Variants in MACROD2 observed in about 807,000 individuals in gnomAD.
The protein encoded by MACROD2 is mono-ADP ribosylhydrolase 2, also known as ADP-ribose glycohydrolase MACROD2.
Under a neutral mutation model 70.4 loss-of-function variants are expected in MACROD2, and 36 were observed. The ratio of observed to expected loss-of-function variants is 0.51; its 90% CI spans 0.39 to 0.68. MACROD2 has a LOEUF of 0.68. MACROD2 is among the 30% of genes least tolerant of loss of function. The pLI is 0.00. For missense variants in MACROD2, 496 were observed against 538.4 expected (o/e 0.92, Z 0.78); for synonymous variants, 172 against 178.8 (o/e 0.96, Z 0.30).
chr20:15,660,458 T>C (rs376508718), intron 8 of MACROD2, among the ~76,000 whole-genome samples: 24 of 152,324 alleles, frequency 1.6e-4, no homozygotes, highest in African/African-American at 5.8e-4. Flanking sequence ...TTTTCAGATT[T>C]ATTTAGAAAA....
chr20:14,528,310 A>T (rs1227930705), intron 4 of MACROD2, among the ~76,000 whole-genome samples: 1 of 141,644 alleles, frequency 7.1e-6, no homozygotes, highest in Non-Finnish European at 1.5e-5. Flanking sequence ...TTTAGTAGAG[A>T]CAGGGTTTCT....
intron 3 of MACROD2, among the ~76,000 whole-genome samples, chr20:14,387,794 T>G (rs895559372): frequency 6.6e-6 from 1 of 152,126 alleles, no homozygotes; most frequent in African/African-American, 2.4e-5. Flanking sequence ...CCCTTTACAC[T>G]CTCCTCATGT....
intron 5 of MACROD2, among the ~76,000 whole-genome samples, chr20:15,205,561 A>C (rs571227850): frequency 2.9e-4 from 44 of 151,996 alleles, no homozygotes; most frequent in African/African-American, 1.0e-3. Flanking sequence ...CTAAATACTA[A>C]GTTTCTGTTA....
chr20:14,832,527 G>A (rs2072982987), intron 5 of MACROD2, among the ~76,000 whole-genome samples: 1 of 151,990 alleles, frequency 6.6e-6, no homozygotes, highest in South Asian at 2.1e-4. Flanking sequence ...TTCAGAAAGA[G>A]CCACATTTGT....
At chr20:14,011,068 C>T (rs1031634053) in intron 2 of MACROD2, among the ~76,000 whole-genome samples, 1 of 152,102 alleles carries the variant, frequency 6.6e-6, no homozygotes, top group African/African-American at 2.4e-5. Flanking sequence ...CTTAAAGGTC[C>T]TTATGACCCC....
chr20:14,074,918 C>T (rs2053898084), intron 2 of MACROD2, among the ~76,000 whole-genome samples: 1 of 152,210 alleles, frequency 6.6e-6, no homozygotes, highest in African/African-American at 2.4e-5. Context: ...CTACTCCATC[C>T]TTCCTGGGAA....
At chr20:15,753,817 TG>T (rs2051307418) in intron 8 of MACROD2, among the ~76,000 whole-genome samples, 1 of 152,232 alleles carries the variant, frequency 6.6e-6, no homozygotes, top group Non-Finnish European at 1.5e-5. Context: ...TTCTGACTGG[TG>T]TGAGATGGTA....
chr20:14,883,973 A>G (rs1600764899), intron 5 of MACROD2, among the ~76,000 whole-genome samples: 2 of 152,330 alleles, frequency 1.3e-5, no homozygotes, highest in East Asian at 3.9e-4. Context: ...AAATGAAAGT[A>G]TGATCTTTAA....
chr20:14,337,271 A>G (rs1042749337), intron 3 of MACROD2: 2 of 248,218 alleles, frequency 8.1e-6, no homozygotes, highest in African/African-American at 2.2e-5. Flanking sequence ...GCACGCACAT[A>G]TATTGCTTGT....
chr20:14,762,905 G>C (rs2072035912), intron 5 of MACROD2, among the ~76,000 whole-genome samples: 1 of 152,044 alleles, frequency 6.6e-6, no homozygotes, highest in South Asian at 2.1e-4. Context: ...ACTCCAGCAT[G>C]GGAGACAGAG....
intron 8 of MACROD2, among the ~76,000 whole-genome samples, chr20:15,610,917 C>T (rs1217494334): frequency 6.7e-6 from 1 of 149,848 alleles, no homozygotes; most frequent in East Asian, 2.0e-4. Context: ...TCATTTCAGG[C>T]TATTCAGATG....
chr20:14,888,053 C>A (rs1183207296), intron 5 of MACROD2: 1 of 152,092 alleles, frequency 6.6e-6, no homozygotes, highest in African/African-American at 2.4e-5. Flanking sequence ...ACAGTCTTCT[C>A]CACAGGAGTA....
intron 3 of MACROD2, among the ~76,000 whole-genome samples, chr20:14,301,579 G>A (rs2082475528): frequency 6.6e-6 from 1 of 152,160 alleles, no homozygotes. Flanking sequence ...AGAACATACT[G>A]AAATGAATGG....
intron 3 of MACROD2, among the ~76,000 whole-genome samples, chr20:14,380,688 A>T (rs1226741291): frequency 6.6e-6 from 1 of 152,098 alleles, no homozygotes; most frequent in South Asian, 2.1e-4. Context: ...TGGTCTCTTC[A>T]TACCCTTGCC....
chr20:14,576,481 T>C (rs993634606), intron 4 of MACROD2, among the ~76,000 whole-genome samples: 2 of 152,238 alleles, frequency 1.3e-5, no homozygotes, highest in African/African-American at 4.8e-5. Context: ...AAAGTGTAAC[T>C]GCCACTTTCA....
At chr20:15,643,449 C>T (rs1459999025) in intron 8 of MACROD2, among the ~76,000 whole-genome samples, 1 of 152,230 alleles carries the variant, frequency 6.6e-6, no homozygotes. Flanking sequence ...CTACTTTCAA[C>T]AGCATAACCC....
At chr20:15,325,849 C>T (rs908361714) in intron 6 of MACROD2, among the ~76,000 whole-genome samples, 1 of 152,082 alleles carries the variant, frequency 6.6e-6, no homozygotes, top group African/African-American at 2.4e-5. Flanking sequence ...TGCTTAATGA[C>T]TTAGATATTA....
In MACROD2 at chr20:14,217,300, G is replaced by C. The variant is rs147089230; in HGVS notation, c.271+131572G>C. On this transcript the variant is annotated intron_variant, in intron 3 of 17. Coordinates refer to ENST00000684519, the MANE Select transcript of MACROD2 (RefSeq NM_001351661.2). ...TTGTTTTTATTTCTGTTTATGTGGT[G>C]TGTCACATTTATTGACTTGCATATG... Among the ~76,000 whole-genome samples the C allele has an allele frequency of 5.2e-3, 791 of 152,196 alleles. 7 individuals are homozygous for C. The highest frequency in any genetic ancestry group is 6.6e-3 in the Non-Finnish European group (448 of 67,990).
chr20:14,028,628 C>T (rs1421836993), intron 2 of MACROD2, among the ~76,000 whole-genome samples: 1 of 152,088 alleles, frequency 6.6e-6, no homozygotes, highest in African/African-American at 2.4e-5. Context: ...CTGGAATGCA[C>T]CATTCCTCAT....
Sources: allele counts gnomAD v4.1 joint callset (sites outside exome capture counted in the v4.1 genomes callset), GRCh38; gene constraint gnomAD v4.1.1; transcripts MANE v1.5; gene names NCBI Gene and HGNC (gene_info 2026-07-23, HGNC 2026-07-21).